SORBS2: variants seen among roughly 807,000 people sequenced by gnomAD.
The protein encoded by SORBS2 is sorbin and SH3 domain-containing protein 2.
In SORBS2, 46 loss-of-function variants were observed where a neutral mutation model predicts 97.7. The ratio of observed to expected loss-of-function variants is 0.47; its 90% CI spans 0.37 to 0.60. SORBS2 has a LOEUF of 0.60. Among genes scored for constraint, SORBS2 ranks in the 20% least tolerant of loss-of-function variants. The pLI, the probability that SORBS2 is intolerant of heterozygous loss-of-function variation, is 0.00. For synonymous variants in SORBS2, 476 were observed against 473.4 expected, an observed-to-expected ratio of 1.01 and a Z score of -0.07; for missense variants, 1,316 against 1,282.3, an observed-to-expected ratio of 1.03 and a Z score of -0.40.
intron 2 of SORBS2, among the ~76,000 whole-genome samples, chr4:185,725,604 A>C (rs1157009862): frequency 6.6e-6 from 1 of 152,168 alleles, no homozygotes; most frequent in Non-Finnish European, 1.5e-5. Context: ...ATTGATCATA[A>C]ATGTGGGCTA....
At chr4:185,890,411 A>C (rs1459207100) in intron 1 of SORBS2, among the ~76,000 whole-genome samples, 1 of 152,156 alleles carries the variant, frequency 6.6e-6, no homozygotes, top group Non-Finnish European at 1.5e-5. Flanking sequence ...TTATCCTGAC[A>C]AGAAGACTGT....
intron 1 of SORBS2, among the ~76,000 whole-genome samples, chr4:185,864,993 G>A (rs538254314): frequency 1.3e-5 from 2 of 152,072 alleles, no homozygotes; most frequent in East Asian, 1.9e-4. Context: ...CGGGAGGGGC[G>A]GACAGCAGAA....
exon 7 of SORBS2, chr4:185,622,991 G>A (rs1223645070): frequency 1.2e-6 from 2 of 1,614,088 alleles, no homozygotes; most frequent in East Asian, 2.2e-5. Context: ...GGCACTGCGG[G>A]GCATTCTCCC....
At chr4:185,845,318 C>T (rs1354005385) in intron 1 of SORBS2, among the ~76,000 whole-genome samples, 2 of 152,170 alleles carry the variant, frequency 1.3e-5, no homozygotes, top group Middle Eastern at 3.4e-3. Flanking sequence ...CTGTGCCTGG[C>T]CATGAAAATG....
At chr4:185,860,303 G>GCCCC (rs2149708835) in intron 1 of SORBS2, among the ~76,000 whole-genome samples, 1 of 152,304 alleles carries the variant, frequency 6.6e-6, no homozygotes, top group Non-Finnish European at 1.5e-5. Context: ...GAGGATGATG[G>GCCCC]TAAATAAACA....
In SORBS2 at chr4:185,623,162, G is replaced by A. The variant is rs144923775; in HGVS notation, c.1967C>T (p.Pro656Leu). The change falls in exon 7 of 15, where the codon CCG becomes CTG. Residue 656 changes from proline to leucine, a missense_variant. Pro to Leu is a moderately conservative substitution (Grantham distance 98). Coordinates refer to ENST00000418609, the Ensembl canonical transcript of SORBS2. This position sits in a 1 kb window ranked among gnomAD's most constrained non-coding sequence, Gnocchi z 6.4. ...GAGGCGGTGCAGGATGCTGTTGTCC[G>A]GCAAGCTCCCCCTTTTCTTTTCAGC... 2.9e-5 allele frequency: 47 copies of A among 1,613,994 alleles called. No individual in the cohort carries two copies. The highest frequency in any genetic ancestry group is 8.3e-5 in the Admixed American group (5 of 59,998).
chr4:185,783,461 C>T (rs1476973525), intron 1 of SORBS2, among the ~76,000 whole-genome samples: 3 of 152,158 alleles, frequency 2.0e-5, no homozygotes, highest in Non-Finnish European at 2.9e-5. Context: ...TTAGCAACCT[C>T]ATTGGTTTAC....
intron 1 of SORBS2, among the ~76,000 whole-genome samples, chr4:185,855,773 A>G (rs2099220357): frequency 1.3e-5 from 2 of 152,228 alleles, no homozygotes; most frequent in African/African-American, 2.4e-5. Context: ...TTCCTTCACC[A>G]CCACACATCC....
At chr4:185,638,970 G>C in intron 4 of SORBS2, 2 of 1,523,394 alleles carry the variant, frequency 1.3e-6, no homozygotes, top group Non-Finnish European at 8.8e-7. Flanking sequence ...CTCCGAGTCG[G>C]GAGCTAGAAA....
chr4:185,589,147 T>A (rs953310218), intron 14 of SORBS2: 1 of 152,602 alleles, frequency 6.6e-6, no homozygotes, highest in Non-Finnish European at 1.5e-5. Context: ...CTCGTCTTTT[T>A]TTTTAGGATG....
intron 11 of SORBS2, among the ~76,000 whole-genome samples, chr4:185,612,240 A>G (rs1485518409): frequency 1.6e-4 from 24 of 152,178 alleles, no homozygotes; most frequent in Non-Finnish European, 1.5e-5. Context: ...ACGGGTTTAT[A>G]CTTGTTTATG....
intron 1 of SORBS2, among the ~76,000 whole-genome samples, chr4:185,827,789 T>C (rs2099202373): frequency 1.1e-5 from 1 of 88,354 alleles, no homozygotes; most frequent in Admixed American, 1.2e-4. Context: ...ATCATCATCG[T>C]CACCATCATC....
chr4:185,586,192 G>C (rs1422917028), exon 15 of SORBS2: 1 of 152,628 alleles, frequency 6.6e-6, no homozygotes, highest in Non-Finnish European at 1.5e-5. Context: ...TATCTGTAAG[G>C]TGCTCAAGAT....
intron 2 of SORBS2, among the ~76,000 whole-genome samples, chr4:185,722,713 C>A (rs2098525351): frequency 6.6e-6 from 1 of 152,158 alleles, no homozygotes; most frequent in Admixed American, 6.6e-5. Context: ...AATGTTGACT[C>A]TTTTTTCTTA....
intron 4 of SORBS2, among the ~76,000 whole-genome samples, chr4:185,674,197 T>G (rs2097761555): frequency 6.6e-6 from 1 of 152,194 alleles, no homozygotes; most frequent in African/African-American, 2.4e-5. Context: ...TGCCTCAAAC[T>G]TCCTGTTTCC....
chr4:185,850,212 C>G (rs1230036445), intron 1 of SORBS2, among the ~76,000 whole-genome samples: 2 of 152,158 alleles, frequency 1.3e-5, no homozygotes, highest in Non-Finnish European at 2.9e-5. Flanking sequence ...TGGAAAAATG[C>G]TAAAGTGACT....
Position 185,607,050 on chromosome 4 carries a change from G to A in SORBS2, c.2796+4730C>T, listed in dbSNP as rs550496921. 155 of 1,026,260 alleles carry A rather than the reference G, an allele frequency of 1.5e-4. No individual in the cohort carries two copies. In the African/African-American group the frequency reaches 2.2e-3, roughly 15 times the overall value. The allele number at this position is 1,026,260 out of a possible 1,614,324, so 63.6% of individuals were successfully genotyped here. A position where few individuals can be genotyped will look rare whatever the true frequency, so the allele number is the denominator to read the frequency against. On this transcript the variant is annotated intron_variant, in intron 12 of 14. Coordinates refer to ENST00000418609, the Ensembl canonical transcript of SORBS2. The surrounding 1 kb of genome is among the most constrained non-coding windows in gnomAD (Gnocchi z 5.2). ...CACCCGCGTGAGTGGAAGGTGATTC[G>A]GCAGGTGCAGTCGCTGGGGACAATG...
chr4:185,828,175 G>A (rs1311851088), intron 1 of SORBS2, among the ~76,000 whole-genome samples: 1 of 152,178 alleles, frequency 6.6e-6, no homozygotes, highest in Non-Finnish European at 1.5e-5. Flanking sequence ...TTGGACAAAG[G>A]GAGAAAGTAA....
chr4:185,620,009 G>C, intron 8 of SORBS2, 54 bp downstream of exon 20: 1 of 1,085,556 alleles, frequency 9.2e-7, no homozygotes, highest in Non-Finnish European at 1.4e-6. Context: ...TGGCTGGTAA[G>C]TGCTGTATCA....
Sources: gnomAD v4.1 joint callset for allele counts (sites outside exome capture counted in the v4.1 genomes callset) on GRCh38, gnomAD v4.1.1 for gene constraint, Gnocchi (gnomAD v3.1) non-coding constraint, MANE v1.5 for transcripts, NCBI Gene and HGNC (gene_info 2026-07-23, HGNC 2026-07-21) for gene names.